Variants in RNPS1 observed in about 807,000 individuals in gnomAD.
RNPS1 encodes the protein RNA binding protein with serine rich domain 1.
For synonymous variants in RNPS1, 147 were observed against 150.0 expected, an observed-to-expected ratio of 0.98 and a Z score of 0.15; for missense variants, 300 against 427.6, an observed-to-expected ratio of 0.70 and a Z score of 2.63.
At chr16:2,266,148 C>T in intron 1 of RNPS1, 1 of 985,424 alleles carries the variant, frequency 1.0e-6, no homozygotes, top group Non-Finnish European at 1.2e-6. Flanking sequence ...ACACAGCACA[C>T]CAATGTGGTC....
chr16:2,263,894 CTT>C (rs763102791), intron 3 of RNPS1: 1,106 of 206,490 alleles, frequency 5.4e-3, no homozygotes, highest in Middle Eastern at 0.018. Context: ...ACAAATTACT[CTT>C]TTTTTTTTTT....
At chr16:2,261,176 T>G (rs1446290998) in intron 6 of RNPS1, among the ~76,000 whole-genome samples, 1 of 152,032 alleles carries the variant, frequency 6.6e-6, no homozygotes, top group Non-Finnish European at 1.5e-5. Flanking sequence ...ACCCAAATAC[T>G]GTTCTCAATT....
intron 3 of RNPS1, among the ~76,000 whole-genome samples, chr16:2,263,665 T>A (rs1187589897): frequency 2.0e-5 from 3 of 152,038 alleles, no homozygotes; most frequent in Non-Finnish European, 4.4e-5. Flanking sequence ...CAAGCTGGAG[T>A]GCAGTGGCAT....
At position 2,264,297 on chromosome 16, in the gene RNPS1, C is replaced by G; in HGVS notation, c.106G>C (p.Asp36His). 6.2e-7 allele frequency: 1 copy of G among 1,614,228 alleles called. No homozygotes were observed. The highest frequency in any genetic ancestry group is 8.5e-7 in the Non-Finnish European group (1 of 1,180,046). Residue 36 changes from aspartate to histidine, a missense_variant, in exon 3 of 8, where the codon GAT becomes CAT. By Grantham distance (81) the Asp-to-His change is moderately conservative. Coordinates refer to ENST00000320225, the MANE Select transcript of RNPS1 (RefSeq NM_080594.4). The stretch of plus-strand genomic sequence containing the variant: ...TTTGAGCGATCCTTGGACTTCTCAT[C>G]TGAGCGGTCTTTGCGTTTGGTAGGT... ...PSPTKRKDRS[D>H]EKSKDRSKDK...
At position 2,255,565 on chromosome 16, in the gene RNPS1, T is replaced by C; in HGVS notation, c.818+20A>G. The C allele has an allele frequency of 4.5e-6, 7 of 1,558,294 alleles. No homozygotes were observed. Among genetic ancestry groups the C allele is most frequent in the Non-Finnish European group, 6.1e-6 (7 of 1,156,198 alleles). On this transcript the variant is annotated intron_variant, in intron 7 of 7. Transcript: ENST00000320225. The stretch of plus-strand genomic sequence containing the variant: ...GAGGTTTGTGGCCTGATCAGTCCAC[T>C]GAAACTACAAATTGTTTACCTTCTC...
Position 2,253,291 on chromosome 16 carries a change from T to C in RNPS1, c.*673A>G, listed in dbSNP as rs2093559710. On this transcript the variant is annotated 3_prime_UTR_variant, in exon 8 of 8. Transcript: ENST00000320225. ...AAAAAAAATAAAAGCAATGTACATG[T>C]TGCCAAGATAACCTGAAAGACCACC... 6.6e-6 allele frequency: 1 copy of C among 152,630 alleles called. No homozygotes were observed. Among genetic ancestry groups the C allele is most frequent in the Admixed American group, 6.5e-5 (1 of 15,280 alleles). 9.5% of individuals were successfully genotyped at this position (152,630 alleles called of 1,614,324 possible).
At chr16:2,266,279 C>G in intron 1 of RNPS1, 1 of 985,432 alleles carries the variant, frequency 1.0e-6, no homozygotes, top group South Asian at 4.7e-5. Context: ...GAGGGCCGAA[C>G]GCCACCTTTG....
rs191494988 is a variant in RNPS1, at chr16:2,264,657, G to A, written c.-14C>T. On this transcript the variant is annotated 5_prime_UTR_variant, in exon 2 of 8. Coordinates refer to ENST00000320225, the MANE Select transcript of RNPS1 (RefSeq NM_080594.4). ...TGATAAATCCATTCTCCCCTTCTGA[G>A]GTGTTCAAAGCAGCAATGGCGGCCT... 1 of 1,610,874 alleles carries A rather than the reference G, an allele frequency of 6.2e-7. No homozygotes were observed.
rs2093610648 is a variant in RNPS1 at position 2,263,206 on chromosome 16, G to A, written c.309C>T (p.Ser103=). Residue 103 remains serine (S), a synonymous_variant, in exon 4 of 8, where the codon TCC becomes TCT. Coordinates refer to ENST00000320225, the MANE Select transcript of RNPS1 (RefSeq NM_080594.4). ...AGGTGCTGGAGCTTCCTGAGCGGCT[G>A]GATGCTGAGGAAGAGCTGGAGCCAC... ...SSSGSSSSSA[S]SRSGSSSTSR... is the part of the protein sequence containing the mutation. The A allele has an allele frequency of 1.2e-6, 2 of 1,613,718 alleles. No individual in the cohort carries two copies. The highest frequency in any genetic ancestry group is 2.2e-5 in the East Asian group (1 of 44,852).
chr16:2,262,686 A>C, intron 5 of RNPS1, 54 bp downstream of exon 5: 126 of 1,361,894 alleles, frequency 9.3e-5, no homozygotes, highest in Middle Eastern at 2.5e-4. Flanking sequence ...ATCTGCAGGC[A>C]CAGGCCTGCT....
intron 2 of RNPS1, 83 bp from the exon 3 acceptor site, chr16:2,264,414 A>T (rs2093616650): frequency 3.1e-6 from 5 of 1,597,202 alleles, no homozygotes; most frequent in Non-Finnish European, 4.3e-6. Flanking sequence ...GATCAGCATC[A>T]GCAGGGCCAC....
At chr16:2,263,357 T>C (rs1397168952) in intron 3 of RNPS1, 70 bp from the exon 4 acceptor site, 2 of 1,500,126 alleles carry the variant, frequency 1.3e-6, no homozygotes, top group Non-Finnish European at 1.8e-6. Context: ...CCTCCAATTC[T>C]GTTGTGCTCC....
intron 3 of RNPS1, chr16:2,263,944 G>C: frequency 2.4e-6 from 1 of 421,354 alleles, no homozygotes. Flanking sequence ...TGCCCATGCT[G>C]GTCTTGAACT....
intron 1 of RNPS1, chr16:2,267,434 C>T: frequency 2.1e-6 from 2 of 973,852 alleles, no homozygotes; most frequent in Non-Finnish European, 2.4e-6. Context: ...GGTAACCCAT[C>T]AAACTGAGCT....
Position 2,253,721 on chromosome 16 carries a change from G to C in RNPS1, c.*243C>G. ...GGCTCTGCCACTGAACTGACTCTTA[G>C]AAACCGGAAACGGATGAGCTTTCTA... is the stretch of plus-strand genomic sequence containing the variant. On this transcript the variant is annotated 3_prime_UTR_variant, in exon 8 of 8. Transcript: ENST00000320225. 2 of 625,934 alleles carry C rather than the reference G, an allele frequency of 3.2e-6. No homozygotes were observed. The highest frequency in any genetic ancestry group is 5.8e-6 in the Non-Finnish European group (2 of 346,914). 38.8% of individuals were successfully genotyped at this position (625,934 alleles called of 1,614,324 possible). A position where few individuals can be genotyped will look rare whatever the true frequency, so the allele number is the denominator to read the frequency against.
At chr16:2,264,801 G>C (rs1436458854) in intron 1 of RNPS1, 41 bp from the exon 2 acceptor site, 1 of 1,431,366 alleles carries the variant, frequency 7.0e-7, no homozygotes, top group East Asian at 2.5e-5. Context: ...GAACGAATTG[G>C]CAAGGCAACA....
rs1167438390 is a variant in RNPS1 at position 2,264,579 on chromosome 16, C to A, written c.65G>T (p.Ser22Ile). The stretch of plus-strand genomic sequence containing the variant: ...AATCTTACAGAAGGATTACCTAGTG[C>A]TGGACTTTTTATTATTTTCTTTGAC... The part of the protein sequence containing the change: ...LGVKENNKKS[S>I]TRAPSPTKRK... Residue 22 changes from serine (S) to isoleucine (I), a missense_variant, in exon 2 of 8, where the codon AGC becomes ATC. Physicochemically the swap from Ser to Ile is moderately radical, Grantham distance 142. Coordinates refer to ENST00000320225, the MANE Select transcript of RNPS1 (RefSeq NM_080594.4). The A allele has an allele frequency of 6.2e-7, 1 of 1,613,416 alleles. No homozygotes were observed. The highest frequency in any genetic ancestry group is 1.7e-5 in the Admixed American group (1 of 59,996).
rs755403702 is a variant in RNPS1 at position 2,253,990 on chromosome 16, G to A, written c.892C>T (p.Arg298Cys). ...RSPGRRRHRS[R>C]SSSNSSR ...TATCGGGAGGAGTTGGAGCTGGAGC[G>A]GCTCCTGTGGCGGCGGCGGCCCGGG... The change falls in exon 8 of 8, where the codon CGC becomes TGC. Residue 298 changes from arginine (R) to cysteine (C), a missense_variant. Transcript: ENST00000320225. The A allele has an allele frequency of 3.2e-6, 5 of 1,545,368 alleles. No individual in the cohort carries two copies. Among genetic ancestry groups the A allele is most frequent in the Admixed American group, 2.0e-5 (1 of 49,854 alleles).
Position 2,263,225 on chromosome 16 carries a change from G to A in RNPS1, c.290C>T (p.Ser97Phe). ...GCGGCTGGATGCTGAGGAAGAGCTG[G>A]AGCCACTGCTTGAGCCAGTGCTGGT... ...SSTSTGSSSG[S>F]SSSSASSRSG... The change falls in exon 4 of 8, where the codon TCC (serine) becomes TTC (phenylalanine). Residue 97 changes from serine (S) to phenylalanine (F), a missense_variant. By Grantham distance (155) the Ser-to-Phe change is radical. Coordinates refer to ENST00000320225, the MANE Select transcript of RNPS1 (RefSeq NM_080594.4). 1 of 1,613,666 alleles carries A rather than the reference G, an allele frequency of 6.2e-7. No homozygotes were observed. The highest frequency in any genetic ancestry group is 8.5e-7 in the Non-Finnish European group (1 of 1,179,826).
Sources: allele counts gnomAD v4.1 joint callset (sites outside exome capture counted in the v4.1 genomes callset), GRCh38; gene constraint gnomAD v4.1.1; transcripts MANE v1.5; gene names NCBI Gene and HGNC (gene_info 2026-07-23, HGNC 2026-07-21).